Variants in MRTFA observed in about 807,000 individuals in gnomAD.
The protein encoded by MRTFA is myocardin related transcription factor A.
MRTFA carries 20 observed loss-of-function variants against 83.5 expected under a neutral mutation model. The observed-to-expected ratio is 0.24, with a 90% confidence interval of 0.17 to 0.35. The LOEUF (loss-of-function observed/expected upper bound fraction) is 0.35, where lower values mean the gene tolerates loss of function less well. Ranked by LOEUF, MRTFA falls within the 10% of genes least tolerant of loss-of-function variation. MRTFA has a pLI of 1.00. For synonymous variants in MRTFA, 659 were observed against 541.2 expected (o/e 1.22, Z -3.02); for missense variants, 1,200 against 1,224.7 (o/e 0.98, Z 0.30).
At chr22:40,494,899 G>A (rs1015537266) in intron 3 of MRTFA, among the ~76,000 whole-genome samples, 1 of 152,128 alleles carries the variant, frequency 6.6e-6, no homozygotes, top group African/African-American at 2.4e-5. Context: ...CTACAAAGAG[G>A]CATAATGGAA....
chr22:40,435,582 C>T (rs2053152477), intron 4 of MRTFA, 28 bp from the exon 5 acceptor site: 2 of 1,612,332 alleles, frequency 1.2e-6, no homozygotes, highest in Non-Finnish European at 1.7e-6. Flanking sequence ...GTAAAGATTA[C>T]CTTCAAGCGA....
At chr22:40,463,941 T>C (rs1273704091) in intron 3 of MRTFA, among the ~76,000 whole-genome samples, 1 of 152,186 alleles carries the variant, frequency 6.6e-6, no homozygotes. Context: ...TGGGTGTTTC[T>C]CTTATTTTCA....
At chr22:40,489,134 A>T (rs956636570) in intron 3 of MRTFA, among the ~76,000 whole-genome samples, 14 of 152,186 alleles carry the variant, frequency 9.2e-5, no homozygotes, top group African/African-American at 3.4e-4. Flanking sequence ...TTATAATAAT[A>T]AAACACAAGA....
intron 2 of MRTFA, among the ~76,000 whole-genome samples, chr22:40,581,372 T>A (rs1195233034): frequency 6.6e-6 from 1 of 152,258 alleles, no homozygotes; most frequent in African/African-American, 2.4e-5. Context: ...TATTTTGTAC[T>A]GCTGGTTCAT....
At chr22:40,438,256 T>C (rs1485948752) in intron 4 of MRTFA, among the ~76,000 whole-genome samples, 1 of 152,224 alleles carries the variant, frequency 6.6e-6, no homozygotes, top group Non-Finnish European at 1.5e-5. Context: ...GAGAGTGCCC[T>C]GAACCAAATG....
intron 3 of MRTFA, among the ~76,000 whole-genome samples, chr22:40,474,651 ACT>A (rs61211547): frequency 0.12 from 18,278 of 151,776 alleles, 1,244 homozygotes; most frequent in East Asian, 0.24. Context: ...TATGCCAGAT[ACT>A]CTCTGTTTGT....
chr22:40,427,723 G>A (rs1231330061), intron 7 of MRTFA, among the ~76,000 whole-genome samples: 2 of 152,158 alleles, frequency 1.3e-5, no homozygotes, highest in Non-Finnish European at 2.9e-5. Context: ...TGTATAACAA[G>A]CCCCTTTCCA....
chr22:40,579,553 C>G (rs1199616286), intron 2 of MRTFA, among the ~76,000 whole-genome samples: 2 of 152,064 alleles, frequency 1.3e-5, no homozygotes, highest in Non-Finnish European at 2.9e-5. Flanking sequence ...AGTATTCTCA[C>G]ACAACCAATA....
At chr22:40,609,339 G>C (rs1442567977) in intron 1 of MRTFA, among the ~76,000 whole-genome samples, 1 of 151,132 alleles carries the variant, frequency 6.6e-6, no homozygotes, top group Non-Finnish European at 1.5e-5. Flanking sequence ...CATTTAGTCA[G>C]ATATTGTGGC....
intron 3 of MRTFA, among the ~76,000 whole-genome samples, chr22:40,527,216 T>C (rs991810531): frequency 3.3e-5 from 5 of 152,240 alleles, no homozygotes; most frequent in African/African-American, 4.8e-5. Flanking sequence ...GTTTGCACTA[T>C]GTAGTTGTCA....
At chr22:40,608,243 G>A (rs561058076) in intron 1 of MRTFA, among the ~76,000 whole-genome samples, 2 of 152,158 alleles carry the variant, frequency 1.3e-5, no homozygotes, top group African/African-American at 4.8e-5. Context: ...TCAAACTCCC[G>A]ACCTCAGGTG....
chr22:40,506,796 T>A (rs1035112196), intron 3 of MRTFA, among the ~76,000 whole-genome samples: 7 of 152,178 alleles, frequency 4.6e-5, no homozygotes, highest in Non-Finnish European at 1.0e-4. Context: ...AAGGAGAGTT[T>A]AAAAATATAG....
chr22:40,435,539 G>T lies in MRTFA; in HGVS notation c.323C>A (p.Ala108Asp). The change falls in exon 5 of 15, where the codon GCC (alanine) becomes GAC (aspartate). Residue 108 changes from alanine (A) to aspartate (D), a missense_variant. Ala to Asp is a moderately radical substitution (Grantham distance 126, BLOSUM62 -2). Transcript: ENST00000355630. ...GCTCCTTCTCTGCTCATGAAATGCG[G>T]CTGGACTTTTCAAAGCTGTTGAGAG... 1 of 1,614,176 alleles carries T rather than the reference G, an allele frequency of 6.2e-7. No homozygotes were observed. The highest frequency in any genetic ancestry group is 8.5e-7 in the Non-Finnish European group (1 of 1,180,028).
intron 3 of MRTFA, among the ~76,000 whole-genome samples, chr22:40,476,964 G>C (rs2054007739): frequency 6.6e-6 from 1 of 152,010 alleles, no homozygotes; most frequent in African/African-American, 2.4e-5. Flanking sequence ...TGATTTCTGG[G>C]TAAAGGGTTA....
rs796103400 is a variant in MRTFA, at chr22:40,459,862, T to TATATATATATATATATATAC, written c.307+3358_307+3359insGTATATATATATATATATAT. On this transcript the variant is annotated intron_variant, in intron 4 of 14. Transcript: ENST00000355630. ...ATATATATATATATATATATATATA[T>TATATATATATATATATATAC]ACACACATGAATGATACTTTCTCAA... 3.3e-4 allele frequency among the ~76,000 whole-genome samples: 40 copies of TATATATATATATATATATAC among 121,466 alleles called. 1 individual carries two copies. Among genetic ancestry groups the TATATATATATATATATATAC allele is most frequent in the African/African-American group, 7.2e-4 (23 of 31,822 alleles). 79.7% of individuals were successfully genotyped at this position (121,466 alleles called of 152,430 possible).
chr22:40,507,733 G>A lies in MRTFA; in HGVS notation c.241+44373C>T, dbSNP rs939719394. ...TTGTAATCCCAGCACCTTAGGCCAA[G>A]GTGGGTGGATCACGAGGTCAGGAAT... On this transcript the variant is annotated intron_variant, in intron 3 of 14. Transcript: ENST00000355630. Among the ~76,000 whole-genome samples, 23 of 152,024 alleles carry A rather than the reference G, an allele frequency of 1.5e-4. 1 individual carries two copies. Among genetic ancestry groups the A allele is most frequent in the Admixed American group, 1.4e-3 (21 of 15,270 alleles).
At chr22:40,535,803 G>C (rs1372284911) in intron 3 of MRTFA, among the ~76,000 whole-genome samples, 2 of 152,256 alleles carry the variant, frequency 1.3e-5, no homozygotes, top group East Asian at 3.9e-4. Context: ...TCTCCCTCCT[G>C]CCAAAACTGT....
intron 4 of MRTFA, among the ~76,000 whole-genome samples, chr22:40,452,206 G>T (rs909669805): frequency 8.6e-5 from 13 of 151,974 alleles, no homozygotes; most frequent in African/African-American, 3.1e-4. Context: ...GGATGGTCTT[G>T]ATCTGTTGAC....
At chr22:40,473,400 C>T (rs1266367518) in intron 3 of MRTFA, among the ~76,000 whole-genome samples, 7 of 152,162 alleles carry the variant, frequency 4.6e-5, no homozygotes, top group Non-Finnish European at 1.0e-4. Flanking sequence ...CTCAGTTAAT[C>T]CTCCCACTTC....
Sources: gnomAD v4.1 joint callset for allele counts (sites outside exome capture counted in the v4.1 genomes callset) on GRCh38, gnomAD v4.1.1 for gene constraint, MANE v1.5 for transcripts, NCBI Gene and HGNC (gene_info 2026-07-23, HGNC 2026-07-21) for gene names.